The following ECM1 variants were observed in gnomAD, a reference collection of about 807,000 sequenced individuals.
The protein encoded by ECM1 is secretory component p85.
In ECM1, 54 loss-of-function variants were observed where a neutral mutation model predicts 57.9. That is an observed-to-expected ratio of 0.93 (90% confidence interval 0.75 to 1.17). ECM1 has a LOEUF of 1.17. Among genes scored for constraint, ECM1 ranks in the 50% most tolerant of loss-of-function variants. The pLI is 0.00. For missense variants in ECM1, 649 were observed against 688.1 expected (o/e 0.94, Z 0.64); for synonymous variants, 237 against 259.1 (o/e 0.91, Z 0.82).
At chr1:150,512,686 C>T in intron 8 of ECM1, 39 bp from the exon 9 acceptor site, 1 of 1,612,224 alleles carries the variant, frequency 6.2e-7, no homozygotes, top group Non-Finnish European at 8.5e-7. Context: ...CAGAAGATGC[C>T]CAAAGACCCT....
At chr1:150,510,557 C>G (rs923717509) in intron 5 of ECM1, 2 of 549,018 alleles carry the variant, frequency 3.6e-6, no homozygotes, top group African/African-American at 3.8e-5. Context: ...CATTCCATGC[C>G]GAGAGAGGGT....
intron 1 of ECM1, among the ~76,000 whole-genome samples, chr1:150,508,971 C>G (rs1051401779): frequency 5.9e-5 from 9 of 152,068 alleles, no homozygotes; most frequent in Non-Finnish European, 1.2e-4. Flanking sequence ...CTGTGCCTGT[C>G]CCAGTCCCCC....
intron 1 of ECM1, chr1:150,509,245 G>A: frequency 1.9e-6 from 1 of 522,096 alleles, no homozygotes; most frequent in Non-Finnish European, 3.5e-6. Flanking sequence ...GGAAATGAGG[G>A]CCTCCCTCCC....
In ECM1 at chr1:150,510,147, T is replaced by G; in HGVS notation, c.350T>G (p.Leu117Arg). The change falls in exon 5 of 10, where the codon CTG becomes CGG. Residue 117 changes from leucine to arginine, a missense_variant. Transcript: ENST00000369047. The stretch of plus-strand genomic sequence containing the variant: ...GAAGCTGTCCCCCTCCAAAAAGAGC[T>G]GCCCTCTCTCCAGCACCCCAATGAA... ...PQEAVPLQKELPSLQHPNEQK... is the reference protein window; with the variant it reads ...PQEAVPLQKERPSLQHPNEQK... The G allele has an allele frequency of 6.2e-7, 1 of 1,614,092 alleles. No homozygotes were observed. Among genetic ancestry groups the G allele is most frequent in the East Asian group, 2.2e-5 (1 of 44,878 alleles).
intron 1 of ECM1, 115 bp from the exon 2 acceptor site, chr1:150,509,416 A>C: frequency 9.0e-7 from 1 of 1,108,698 alleles, no homozygotes; most frequent in Non-Finnish European, 1.4e-6. Context: ...ACAGAGGGGC[A>C]TCTCGTGTCT....
rs587648745 is a variant in ECM1 at position 150,510,248 on chromosome 1, G to A, written c.385+66G>A. On this transcript the variant is annotated intron_variant, in intron 5 of 9. Transcript: ENST00000369047. ...GGCCTTCCCCCAGAGCATGGGCTTCGGGGCAGACAAGACGGTGGGCTCTGC... is the reference window on the plus strand; with the variant it reads ...GGCCTTCCCCCAGAGCATGGGCTTCAGGGCAGACAAGACGGTGGGCTCTGC... 5,050 of 1,487,752 alleles carry A rather than the reference G, an allele frequency of 3.4e-3. 22 individuals are homozygous for A. The highest frequency in any genetic ancestry group is 4.4e-3 in the Admixed American group (262 of 59,752). The allele number at this position is 1,487,752 out of a possible 1,614,324, so 92.2% of individuals were successfully genotyped here.
chr1:150,513,583 T>A lies in ECM1; in HGVS notation c.*116T>A. 1 of 1,028,560 alleles carries A rather than the reference T, an allele frequency of 9.7e-7. No individual in the cohort carries two copies. Among genetic ancestry groups the A allele is most frequent in the Non-Finnish European group, 1.4e-6 (1 of 706,344 alleles). The allele number at this position is 1,028,560 out of a possible 1,614,324, so 63.7% of individuals were successfully genotyped here. A position where few individuals can be genotyped will look rare whatever the true frequency, so the allele number is the denominator to read the frequency against. On this transcript the variant is annotated 3_prime_UTR_variant, in exon 10 of 10. Coordinates refer to ENST00000369047, the MANE Select transcript of ECM1 (RefSeq NM_004425.4). ...TGGTGTCCTCATTGTCTATCTAATGTCTCACCCGCAGTGTTTTAAGTGGAT... is the reference window on the plus strand; with the variant it reads ...TGGTGTCCTCATTGTCTATCTAATGACTCACCCGCAGTGTTTTAAGTGGAT...
chr1:150,511,075 A>T lies in ECM1; in HGVS notation c.585A>T (p.Leu195=), dbSNP rs1188083378. 1.9e-6 allele frequency: 3 copies of T among 1,614,096 alleles called. No homozygotes were observed. The South Asian group carries it at 3.3e-5, about 18-fold the overall frequency. ...ATGTGGTATATGGTCCCTGGAACCTACCACAGTCCAGCTACTCCCACCTCA... is the reference window on the plus strand; with the variant it reads ...ATGTGGTATATGGTCCCTGGAACCTTCCACAGTCCAGCTACTCCCACCTCA... The part of the protein sequence containing the change: ...RQHVVYGPWN[L]PQSSYSHLTR... The change falls in exon 6 of 10, where the codon CTA becomes CTT. Residue 195 remains leucine, a synonymous_variant. Coordinates refer to ENST00000369047, the MANE Select transcript of ECM1 (RefSeq NM_004425.4).
intron 5 of ECM1, chr1:150,510,667 G>T: frequency 1.6e-6 from 1 of 640,512 alleles, no homozygotes; most frequent in Non-Finnish European, 2.8e-6. Context: ...GGAGGTGGGG[G>T]CAGGCTGTGA....
rs1560264626 is a variant in ECM1 at position 150,509,779 on chromosome 1, A to AT, written c.223+18dup. On this transcript the variant is annotated intron_variant, in intron 3 of 9. Transcript: ENST00000369047. The stretch of plus-strand genomic sequence containing the variant: ...AGAGTCAAGGTAAGGTCACCATCCC[A>AT]TGCCCTCCTCAGTGACCCTCCAGGT... The AT allele has an allele frequency of 6.2e-7, 1 of 1,611,552 alleles. No homozygotes were observed. The highest frequency in any genetic ancestry group is 1.1e-5 in the South Asian group (1 of 90,992).
At position 150,513,348 on chromosome 1, in the gene ECM1, A is replaced by C. The variant is rs2101442977; in HGVS notation, c.1504A>C (p.Asn502His). 1.9e-6 allele frequency: 3 copies of C among 1,614,152 alleles called. No homozygotes were observed. Among genetic ancestry groups the C allele is most frequent in the Non-Finnish European group, 2.5e-6 (3 of 1,180,016 alleles). The stretch of plus-strand genomic sequence containing the variant: ...TGAACAGGTCAACTGCTTCAACATC[A>C]ATTATCTGAGGAACGTGGCTCTAGT... ...GDEQVNCFNINYLRNVALVSG... is the reference protein window; with the variant it reads ...GDEQVNCFNIHYLRNVALVSG... Residue 502 changes from asparagine (N) to histidine (H), a missense_variant, in exon 10 of 10, where the codon AAT (asparagine) becomes CAT (histidine). By Grantham distance (68) the Asn-to-His change is moderately conservative (BLOSUM62 1). Transcript: ENST00000369047.
rs769409491 is a variant in ECM1, at chr1:150,511,698, G to C, written c.950G>C (p.Arg317Pro). 1 of 1,614,098 alleles carries C rather than the reference G, an allele frequency of 6.2e-7. No individual in the cohort carries two copies. Among genetic ancestry groups the C allele is most frequent in the Non-Finnish European group, 8.5e-7 (1 of 1,180,016 alleles). ...DNIKNICHLRRFRSVPRNLPA... is the reference protein window; with the variant it reads ...DNIKNICHLRPFRSVPRNLPA... ...ATCAAGAACATCTGCCACCTGAGGC[G>C]CTTCCGCTCTGTGCCACGCAACCTG... Residue 317 changes from arginine to proline, a missense_variant, in exon 7 of 10, where the codon CGC becomes CCC. Arg to Pro is a moderately radical substitution (Grantham distance 103). Transcript: ENST00000369047.
chr1:150,512,927 T>A, intron 9 of ECM1, 115 bp downstream of exon 9: 2 of 1,191,836 alleles, frequency 1.7e-6, no homozygotes, highest in Non-Finnish European at 2.5e-6. Flanking sequence ...TTATAATGAC[T>A]AGTGGGGGAG....
chr1:150,509,444 C>T (rs1276265112), intron 1 of ECM1, 87 bp from the exon 2 acceptor site: 4 of 1,457,222 alleles, frequency 2.7e-6, no homozygotes, highest in South Asian at 2.3e-5. Context: ...CTGTCCTACA[C>T]TCTTGATCTC....
In ECM1 at chr1:150,511,161, G is replaced by A. The variant is rs766286251; in HGVS notation, c.671G>A (p.Arg224His). ...EIGYSRCCHC[R>H]SHTNRLECAK... ...GGATATTCCCGCTGCTGCCACTGCCGCAGCCACACAAACCGCCTAGAGTGT... is the reference window on the plus strand; with the variant it reads ...GGATATTCCCGCTGCTGCCACTGCCACAGCCACACAAACCGCCTAGAGTGT... The change falls in exon 6 of 10, where the codon CGC becomes CAC. Residue 224 changes from arginine to histidine, a missense_variant. By Grantham distance (29) the Arg-to-His change is conservative. Transcript: ENST00000369047. 9.3e-6 allele frequency: 15 copies of A among 1,614,080 alleles called. No homozygotes were observed. Among genetic ancestry groups the A allele is most frequent in the African/African-American group, 4.0e-5 (3 of 74,926 alleles).
At position 150,513,273 on chromosome 1, in the gene ECM1, C is replaced by A; in HGVS notation, c.1429C>A (p.Arg477Ser). Residue 477 changes from arginine (R) to serine (S), a missense_variant, in exon 10 of 10, where the codon CGT becomes AGT. Coordinates refer to ENST00000369047, the MANE Select transcript of ECM1 (RefSeq NM_004425.4). The part of the protein sequence containing the change: ...TFINDLCGPR[R>S]NIWRDPALCC... ...CATCAATGATCTGTGTGGTCCCCGA[C>A]GTAACATCTGGCGAGACCCTGCCCT... is the stretch of plus-strand genomic sequence containing the variant. 6.2e-7 allele frequency: 1 copy of A among 1,614,238 alleles called. No individual in the cohort carries two copies.
chr1:150,509,678 C>G lies in ECM1; in HGVS notation c.139C>G (p.Pro47Ala), dbSNP rs1466604419. 6.2e-7 allele frequency: 1 copy of G among 1,613,222 alleles called. No individual in the cohort carries two copies. Among genetic ancestry groups the G allele is most frequent in the African/African-American group, 1.3e-5 (1 of 74,908 alleles). Residue 47 changes from proline to alanine, a missense_variant, in exon 3 of 10, where the codon CCC becomes GCC. Pro to Ala is a conservative substitution (Grantham distance 27, BLOSUM62 -1). Transcript: ENST00000369047. The stretch of plus-strand genomic sequence containing the variant: ...GCTTCTAGTTGGCTACGCAGCTCCC[C>G]CCTCCCCACCCCTATCCCGAAGCCT... ...HFQEVGYAAP[P>A]SPPLSRSLPM...
Position 150,510,108 on chromosome 1 carries a change from C to T in ECM1, c.311C>T (p.Pro104Leu). ...CCTCACCCCTATCTTGCAGTGGGTC[C>T]CCCTCTCCCTCAGGAAGCTGTCCCC... ...AQLPAEKEVGPPLPQEAVPLQ... is the reference protein window; with the variant it reads ...AQLPAEKEVGLPLPQEAVPLQ... The change falls in exon 5 of 10, where the codon CCC (proline) becomes CTC (leucine). Residue 104 changes from proline (P) to leucine (L), a missense_variant. Transcript: ENST00000369047. 2 of 1,614,070 alleles carry T rather than the reference C, an allele frequency of 1.2e-6. No homozygotes were observed. Among genetic ancestry groups the T allele is most frequent in the South Asian group, 2.2e-5 (2 of 91,080 alleles).
At position 150,513,477 on chromosome 1, in the gene ECM1, G is replaced by A. The variant is rs368710885; in HGVS notation, c.*10G>A. The A allele has an allele frequency of 1.6e-4, 253 of 1,610,584 alleles. No homozygotes were observed. The highest frequency in any genetic ancestry group is 2.1e-4 in the Non-Finnish European group (243 of 1,179,052). On this transcript the variant is annotated 3_prime_UTR_variant, in exon 10 of 10. Transcript: ENST00000369047. Reference sequence around the variant, plus strand: ...GCCCAAGGAAGAATGAGTCACCCCAGAGCCCTAGAGGGTCAGATGGGGGGA... The same window carrying A: ...GCCCAAGGAAGAATGAGTCACCCCAAAGCCCTAGAGGGTCAGATGGGGGGA...
Sources: gnomAD v4.1 joint callset for allele counts (sites outside exome capture counted in the v4.1 genomes callset) on GRCh38, gnomAD v4.1.1 for gene constraint, MANE v1.5 for transcripts, NCBI Gene and HGNC (gene_info 2026-07-23, HGNC 2026-07-21) for gene names.